Variants in CDC123 observed in about 807,000 individuals in gnomAD.
CDC123 encodes the protein translation initiation factor eIF2 assembly protein.
Under a neutral mutation model 54.4 loss-of-function variants are expected in CDC123, and 37 were observed. That is an observed-to-expected ratio of 0.68 (90% CI 0.52 to 0.89). CDC123 has a LOEUF of 0.89. Among genes scored for constraint, CDC123 ranks in the 40% least tolerant of loss-of-function variants. CDC123 has a pLI of 0.00. For missense variants in CDC123, 361 were observed against 412.1 expected, an observed-to-expected ratio of 0.88 and a Z score of 1.07; for synonymous variants, 144 against 136.8, an observed-to-expected ratio of 1.05 and a Z score of -0.37.
intron 2 of CDC123, among the ~76,000 whole-genome samples, chr10:12,208,144 ACATGTTTAAC>A (rs1432156245): frequency 6.6e-6 from 1 of 152,156 alleles, no homozygotes; most frequent in Non-Finnish European, 1.5e-5. Flanking sequence ...AGATAAAAGC[ACATGTTTAAC>A]CAGAATCTTC....
Position 12,210,337 on chromosome 10 carries a change from G to C in CDC123, c.237+15G>C. On this transcript the variant is annotated intron_variant, in intron 4 of 12. Transcript: ENST00000281141. Reference sequence around the variant, plus strand: ...CCACGCTTACGGTAAGAGCACAGCAGACTCAGCGTGGGGACAGCCTCACAC... The same window carrying C: ...CCACGCTTACGGTAAGAGCACAGCACACTCAGCGTGGGGACAGCCTCACAC... 6.2e-7 allele frequency: 1 copy of C among 1,614,046 alleles called. No individual in the cohort carries two copies. Among genetic ancestry groups the C allele is most frequent in the Non-Finnish European group, 8.5e-7 (1 of 1,179,974 alleles).
intron 2 of CDC123, among the ~76,000 whole-genome samples, chr10:12,206,468 G>A (rs1274605347): frequency 1.3e-5 from 2 of 152,238 alleles, no homozygotes; most frequent in Non-Finnish European, 2.9e-5. Context: ...GCTTTGACTG[G>A]TTCTTAGCTT....
intron 10 of CDC123, among the ~76,000 whole-genome samples, chr10:12,244,211 G>T (rs1836097339): frequency 6.6e-6 from 1 of 152,360 alleles, no homozygotes; most frequent in East Asian, 1.9e-4. Context: ...TATTAGGCAT[G>T]CTGGCTCAGC....
intron 11 of CDC123, among the ~76,000 whole-genome samples, chr10:12,248,245 C>T (rs1255242909): frequency 2.0e-5 from 3 of 152,204 alleles, no homozygotes; most frequent in African/African-American, 7.2e-5. Context: ...TAGTGGCTCA[C>T]ACCTGTAATC....
At chr10:12,237,351 A>G in intron 9 of CDC123, 85 bp downstream of exon 9, 1 of 1,146,894 alleles carries the variant, frequency 8.7e-7, no homozygotes, top group South Asian at 2.8e-5. Context: ...GTATCCTAAT[A>G]ACTAGATTTG....
At chr10:12,206,895 C>G (rs1200161987) in intron 2 of CDC123, among the ~76,000 whole-genome samples, 2 of 148,270 alleles carry the variant, frequency 1.3e-5, no homozygotes, top group Non-Finnish European at 3.0e-5. Context: ...GGAGGTAGAC[C>G]TTGCAATGAG....
intron 10 of CDC123, chr10:12,245,096 T>G (rs560908006): frequency 1.3e-5 from 2 of 152,398 alleles, no homozygotes; most frequent in East Asian, 3.9e-4. Context: ...GGCAGCAGCC[T>G]TTCCCGAGTC....
intron 10 of CDC123, among the ~76,000 whole-genome samples, chr10:12,240,744 C>G (rs942897710): frequency 6.7e-6 from 1 of 148,480 alleles, no homozygotes; most frequent in Non-Finnish European, 1.5e-5. Flanking sequence ...TGGTTTGTGC[C>G]TGTAGCCCCA....
rs764794619 is a variant in CDC123 at position 12,249,588 on chromosome 10, C to T, written c.854C>T (p.Pro285Leu). ...SEVDAQEQDS[P>L]AFRCTNSEVT... is the part of the protein sequence containing the mutation. ...TTTTTCTTCTTTGTACAGGATTCCC[C>T]AGCTTTCCGTTGCACAAACAGTGAA... The change falls in exon 12 of 13, where the codon CCA (proline) becomes CTA (leucine). Residue 285 changes from proline (P) to leucine (L), a missense_variant. Coordinates refer to ENST00000281141, the MANE Select transcript of CDC123 (RefSeq NM_006023.3). 2.0e-5 allele frequency: 33 copies of T among 1,612,612 alleles called. No individual in the cohort carries two copies. Among genetic ancestry groups the T allele is most frequent in the South Asian group, 1.5e-4 (14 of 90,690 alleles).
chr10:12,218,927 C>T (rs996554559), intron 6 of CDC123, among the ~76,000 whole-genome samples: 1 of 152,140 alleles, frequency 6.6e-6, no homozygotes, highest in African/African-American at 2.4e-5. Context: ...GGTTTTTCTT[C>T]CTGTTGCATC....
rs761496407 is a variant in CDC123 at position 12,250,318 on chromosome 10, A to G, written c.992A>G (p.Asn331Ser). ...CTTGGTTTTCTTTGACAGAAGAGAA[A>G]TCAGCAGGAGGACGACTGATGAGCG... is the stretch of plus-strand genomic sequence containing the variant. ...KLIDFLKLKR[N>S]QQEDD is the part of the protein sequence containing the mutation. Residue 331 changes from asparagine to serine, a missense_variant, in exon 13 of 13, where the codon AAT becomes AGT. By Grantham distance (46) the Asn-to-Ser change is conservative. Transcript: ENST00000281141. 1.9e-6 allele frequency: 3 copies of G among 1,590,788 alleles called. No homozygotes were observed. The highest frequency in any genetic ancestry group is 1.7e-6 in the Non-Finnish European group (2 of 1,163,528).
At chr10:12,214,958 T>A (rs986032667) in intron 4 of CDC123, among the ~76,000 whole-genome samples, 1 of 152,172 alleles carries the variant, frequency 6.6e-6, no homozygotes, top group Non-Finnish European at 1.5e-5. Context: ...AGGGCCCTAC[T>A]TCCCCCTCTC....
At chr10:12,249,278 A>G (rs1836205172) in intron 11 of CDC123, among the ~76,000 whole-genome samples, 1 of 152,082 alleles carries the variant, frequency 6.6e-6, no homozygotes, top group African/African-American at 2.4e-5. Flanking sequence ...CTGTACTAAA[A>G]TTTAAAAAAC....
rs1457112370 is a variant in CDC123, at chr10:12,196,306, G to C, written c.61G>C (p.Val21Leu). Reference protein sequence around the residue: ...FSAWYPFFRGVTIKSVILPLP... With the variant: ...FSAWYPFFRGLTIKSVILPLP... Reference sequence around the variant, plus strand: ...CGCGTGGTACCCGTTCTTCCGAGGCGTTACCATCAAGAGGTGAGATGGGAG... The same window carrying C: ...CGCGTGGTACCCGTTCTTCCGAGGCCTTACCATCAAGAGGTGAGATGGGAG... The change falls in exon 1 of 13, where the codon GTT (valine) becomes CTT (leucine). Residue 21 changes from valine (V) to leucine (L), a missense_variant. Val to Leu is a conservative substitution (Grantham distance 32, BLOSUM62 1). Transcript: ENST00000281141. 1 of 1,613,118 alleles carries C rather than the reference G, an allele frequency of 6.2e-7. No individual in the cohort carries two copies. Among genetic ancestry groups the C allele is most frequent in the Non-Finnish European group, 8.5e-7 (1 of 1,179,502 alleles).
intron 7 of CDC123, among the ~76,000 whole-genome samples, chr10:12,234,311 G>A (rs1177944586): frequency 6.6e-6 from 1 of 152,188 alleles, no homozygotes; most frequent in African/African-American, 2.4e-5. Flanking sequence ...GCGCAATGGC[G>A]CGATCTGGGC....
chr10:12,217,487 T>C lies in CDC123; in HGVS notation c.440+20T>C. On this transcript the variant is annotated intron_variant, in intron 6 of 12. Coordinates refer to ENST00000281141, the MANE Select transcript of CDC123 (RefSeq NM_006023.3). ...TCAGCCGTAAGTATCTCTTATTCTCTCATGTCAATAGTTTCAGTATTTGTG... is the reference window on the plus strand; with the variant it reads ...TCAGCCGTAAGTATCTCTTATTCTCCCATGTCAATAGTTTCAGTATTTGTG... 6.2e-7 allele frequency: 1 copy of C among 1,608,962 alleles called. No homozygotes were observed. The highest frequency in any genetic ancestry group is 1.3e-5 in the African/African-American group (1 of 74,922).
chr10:12,246,285 A>G lies in CDC123; in HGVS notation c.846+8A>G. The G allele has an allele frequency of 1.2e-6, 2 of 1,613,994 alleles. No individual in the cohort carries two copies. The highest frequency in any genetic ancestry group is 2.7e-5 in the African/African-American group (2 of 75,046). On this transcript the variant is annotated splice_region_variant and intron_variant, in intron 11 of 12. Coordinates refer to ENST00000281141, the MANE Select transcript of CDC123 (RefSeq NM_006023.3). ...GTTGACGCTCAAGAGCAGGTACAAC[A>G]TTTTTAAGACAGATACAATGTAAAC...
intron 6 of CDC123, among the ~76,000 whole-genome samples, chr10:12,227,129 G>A (rs377462952): frequency 8.7e-4 from 133 of 152,232 alleles, no homozygotes; most frequent in Admixed American, 5.9e-4. Flanking sequence ...GGCGGCGTGC[G>A]CCTGCAATCC....
At position 12,249,676 on chromosome 10, in the gene CDC123, T is replaced by C; in HGVS notation, c.942T>C (p.Ser314=). The C allele has an allele frequency of 6.2e-7, 1 of 1,614,140 alleles. No individual in the cohort carries two copies. The highest frequency in any genetic ancestry group is 8.5e-7 in the Non-Finnish European group (1 of 1,180,018). The change falls in exon 12 of 13, where the codon TCT becomes TCC. Residue 314 remains serine, a synonymous_variant. Transcript: ENST00000281141. ...TACCCAAGGACTTTGTAGACCTCTC[T>C]ACTGGGGAGGACGCTCACAAGCTAA... ...YRLPKDFVDL[S]TGEDAHKLID...
Sources: gnomAD v4.1 joint callset for allele counts (sites outside exome capture counted in the v4.1 genomes callset) on GRCh38, gnomAD v4.1.1 for gene constraint, MANE v1.5 for transcripts, NCBI Gene and HGNC (gene_info 2026-07-23, HGNC 2026-07-21) for gene names.